Variants in CPEB1 observed in about 807,000 individuals in gnomAD.
CPEB1 encodes the protein cytoplasmic polyadenylation element binding protein 1, also known as cytoplasmic polyadenylation element-binding protein 1.
Under a neutral mutation model 65.8 loss-of-function variants are expected in CPEB1, and 7 were observed. The observed-to-expected ratio is 0.11, with a 90% CI of 0.06 to 0.20. The LOEUF is 0.20. Ranked by LOEUF, CPEB1 falls within the 10% of genes least tolerant of loss-of-function variation. The pLI, the probability that CPEB1 is intolerant of heterozygous loss-of-function variation, is 1.00. For missense variants in CPEB1, 551 were observed against 712.2 expected, an observed-to-expected ratio of 0.77 and a Z score of 2.58; for synonymous variants, 262 against 260.0, an observed-to-expected ratio of 1.01 and a Z score of -0.08.
In CPEB1 at chr15:82,627,264, A is replaced by G; in HGVS notation, c.200T>C (p.Leu67Ser). The G allele has an allele frequency of 6.2e-7, 1 of 1,613,884 alleles. No individual in the cohort carries two copies. Among genetic ancestry groups the G allele is most frequent in the Non-Finnish European group, 8.5e-7 (1 of 1,179,784 alleles). ...ANIFRRINAI[L>S]DNSLDFSRVC... is the part of the protein sequence containing the mutation. ...TCTACTGAAATCCAGAGAATTATCCAATATGGCATTTATCCTTCGAAAGAT... is the reference window on the plus strand; with the variant it reads ...TCTACTGAAATCCAGAGAATTATCCGATATGGCATTTATCCTTCGAAAGAT... Residue 67 changes from leucine (L) to serine (S), a missense_variant, in exon 3 of 13, where the codon TTG becomes TCG. Transcript: ENST00000684509.
chr15:82,578,796 G>A (rs2040930162), intron 3 of CPEB1, among the ~76,000 whole-genome samples: 1 of 151,978 alleles, frequency 6.6e-6, no homozygotes, highest in South Asian at 2.1e-4. Flanking sequence ...AGTCATTCCA[G>A]CAATAAGTCA....
intron 1 of CPEB1, among the ~76,000 whole-genome samples, chr15:82,643,990 G>C (rs187552239): frequency 2.6e-5 from 4 of 152,270 alleles, no homozygotes; most frequent in Admixed American, 2.6e-4. Context: ...GAAAAAGTTA[G>C]TACTGAAATT....
chr15:82,648,117 G>C (rs1298095532), upstream of CPEB1: 5 of 361,722 alleles, frequency 1.4e-5, no homozygotes, highest in Non-Finnish European at 2.0e-5. Flanking sequence ...GCCGAGCCGA[G>C]GAGGGCTCCG....
chr15:82,605,247 G>C (rs2043460536), intron 3 of CPEB1, among the ~76,000 whole-genome samples: 1 of 152,156 alleles, frequency 6.6e-6, no homozygotes, highest in African/African-American at 2.4e-5. Context: ...ATCTTTCCCA[G>C]TGAAGTGAAA....
intron 4 of CPEB1, among the ~76,000 whole-genome samples, chr15:82,563,780 T>C (rs2038647491): frequency 6.6e-6 from 1 of 152,202 alleles, no homozygotes; most frequent in Non-Finnish European, 1.5e-5. Flanking sequence ...ACAAATATTC[T>C]TTGTATAATT....
At chr15:82,630,613 A>C (rs28374463) in intron 1 of CPEB1, among the ~76,000 whole-genome samples, 61,041 of 151,756 alleles carry the variant, frequency 0.4, 12,363 homozygotes, top group South Asian at 0.49. Context: ...CTCAAAAAAA[A>C]AAAGAAAGAA....
chr15:82,592,972 G>A (rs931635083), intron 3 of CPEB1, among the ~76,000 whole-genome samples: 8 of 152,124 alleles, frequency 5.3e-5, no homozygotes, highest in Non-Finnish European at 1.2e-4. Flanking sequence ...ACTCCATCCT[G>A]GACAACAGAG....
intron 4 of CPEB1, among the ~76,000 whole-genome samples, chr15:82,567,865 AG>A (rs2039412047): frequency 2.0e-5 from 3 of 152,102 alleles, no homozygotes; most frequent in Admixed American, 2.0e-4. Flanking sequence ...TGCACACAAA[AG>A]AGTCGCAAGG....
intron 3 of CPEB1, chr15:82,573,234 A>ATTTT: frequency 8.7e-7 from 1 of 1,152,912 alleles, no homozygotes; most frequent in Non-Finnish European, 1.1e-6. Context: ...TCCTTTGGAG[A>ATTTT]TTTTTTTTTT....
intron 3 of CPEB1, among the ~76,000 whole-genome samples, chr15:82,574,773 TG>T (rs1207970474): frequency 6.8e-6 from 1 of 146,260 alleles, no homozygotes; most frequent in Non-Finnish European, 1.5e-5. Flanking sequence ...GTTCATGTAC[TG>T]GAAGACTCAA....
intron 3 of CPEB1, among the ~76,000 whole-genome samples, chr15:82,601,583 A>C (rs2043124096): frequency 6.6e-6 from 1 of 152,134 alleles, no homozygotes; most frequent in Non-Finnish European, 1.5e-5. Flanking sequence ...CAGAACTATA[A>C]ATAAAGATTT....
intron 3 of CPEB1, among the ~76,000 whole-genome samples, chr15:82,618,842 G>A (rs1162783148): frequency 6.6e-6 from 1 of 152,198 alleles, no homozygotes; most frequent in African/African-American, 2.4e-5. Context: ...TCAACTTCTT[G>A]AATTGGAAGA....
chr15:82,606,615 G>A (rs1213915481), intron 3 of CPEB1, among the ~76,000 whole-genome samples: 1 of 112,220 alleles, frequency 8.9e-6, no homozygotes, highest in Non-Finnish European at 1.8e-5. Flanking sequence ...TCAGGAGATC[G>A]AGACCATCCC....
In CPEB1 at chr15:82,555,890, C is replaced by G; in HGVS notation, c.920G>C (p.Arg307Thr). ...CTCACCTGCAGCTTGTCGGTGCAGCCTGGCCTCTCTCTCTATGCTGAAGGG... is the reference window on the plus strand; with the variant it reads ...CTCACCTGCAGCTTGTCGGTGCAGCGTGGCCTCTCTCTCTATGCTGAAGGG... ...KDPFSIEREA[R>T]LHRQAAAVNE... The change falls in exon 6 of 13, where the codon AGG becomes ACG. Residue 307 changes from arginine to threonine, a missense_variant. Physicochemically the swap from Arg to Thr is moderately conservative, Grantham distance 71 (BLOSUM62 -1). Coordinates refer to ENST00000684509, the MANE Select transcript of CPEB1 (RefSeq NM_001365242.1). 1 of 1,613,142 alleles carries G rather than the reference C, an allele frequency of 6.2e-7. No individual in the cohort carries two copies. The highest frequency in any genetic ancestry group is 1.3e-5 in the African/African-American group (1 of 75,014).
intron 9 of CPEB1, among the ~76,000 whole-genome samples, chr15:82,551,135 T>G (rs1277473101): frequency 6.6e-6 from 1 of 152,188 alleles, no homozygotes; most frequent in African/African-American, 2.4e-5. Context: ...TGTGGGTCAC[T>G]GTGGGCAGCC....
chr15:82,576,541 G>C (rs2040667669), intron 3 of CPEB1, among the ~76,000 whole-genome samples: 1 of 152,168 alleles, frequency 6.6e-6, no homozygotes, highest in Non-Finnish European at 1.5e-5. Flanking sequence ...ACAATTTAAA[G>C]ATATGTGATA....
intron 3 of CPEB1, chr15:82,571,733 C>T: frequency 7.0e-7 from 1 of 1,421,478 alleles, no homozygotes; most frequent in East Asian, 2.6e-5. Flanking sequence ...CCTCCCCTCA[C>T]ACACACACCC....
chr15:82,571,738 A>T, intron 3 of CPEB1: 3 of 1,415,874 alleles, frequency 2.1e-6, no homozygotes, highest in Non-Finnish European at 2.8e-6. Flanking sequence ...CCTCACACAC[A>T]CACCCCTATC....
chr15:82,610,434 T>C (rs1049455253), intron 3 of CPEB1, among the ~76,000 whole-genome samples: 1 of 151,250 alleles, frequency 6.6e-6, no homozygotes. Context: ...TATCTGTTTA[T>C]TAATCTAAAT....
Sources: gnomAD v4.1 joint callset for allele counts (sites outside exome capture counted in the v4.1 genomes callset) on GRCh38, gnomAD v4.1.1 for gene constraint, MANE v1.5 for transcripts, NCBI Gene and HGNC (gene_info 2026-07-23, HGNC 2026-07-21) for gene names.